SGCG: variants seen among roughly 807,000 people sequenced by gnomAD.
The protein encoded by SGCG is gamma-sarcoglycan.
SGCG carries 26 observed loss-of-function variants against 29.3 expected under a neutral mutation model. The observed-to-expected ratio is 0.89, with a 90% confidence interval of 0.65 to 1.23. The LOEUF is 1.23. SGCG is among the 50% of genes most tolerant of loss of function. The pLI is 0.00. For synonymous variants in SGCG, 145 were observed against 129.7 expected (o/e 1.12, Z -0.80); for missense variants, 353 against 356.0 (o/e 0.99, Z 0.07).
chr13:23,164,596 G>A, the SGCG span, among the ~76,000 whole-genome samples: 5 of 152,154 alleles, frequency 3.3e-5, no homozygotes, highest in African/African-American at 9.7e-5. Context: ...TCTGCTTCTC[G>A]TGAGGGCTCA....
chr13:23,308,153 T>C (rs1882426576), intron 6 of SGCG, among the ~76,000 whole-genome samples: 1 of 152,252 alleles, frequency 6.6e-6, no homozygotes, highest in Non-Finnish European at 1.5e-5. Context: ...TGTAGTATTC[T>C]ATGAAAATAA....
intron 4 of SGCG, among the ~76,000 whole-genome samples, chr13:23,257,020 C>A (rs188067900): frequency 1.3e-5 from 2 of 152,312 alleles, no homozygotes; most frequent in East Asian, 3.9e-4. Context: ...TCCTATTTCT[C>A]CACATCCTCT....
At chr13:23,291,606 C>T (rs1483521524) in intron 5 of SGCG, among the ~76,000 whole-genome samples, 1 of 152,158 alleles carries the variant, frequency 6.6e-6, no homozygotes, top group Non-Finnish European at 1.5e-5. Context: ...AGAGAAACTG[C>T]TGCTCTTATT....
intron 6 of SGCG, among the ~76,000 whole-genome samples, chr13:23,299,456 A>ATATTTTTTTTTTTT (rs1882059808): frequency 4.8e-5 from 2 of 41,546 alleles, no homozygotes; most frequent in Non-Finnish European, 9.6e-5. Flanking sequence ...ATATATATAT[A>ATATTTTTTTTTTTT]TTTTTTTTTT....
chr13:23,303,457 G>GC (rs1566039408), intron 6 of SGCG, among the ~76,000 whole-genome samples: 1 of 152,242 alleles, frequency 6.6e-6, no homozygotes, highest in African/African-American at 2.4e-5. Flanking sequence ...CTGCCCACAG[G>GC]CATGTTCAGA....
At position 23,242,650 on chromosome 13, in the gene SGCG, A is replaced by T. The variant is rs116312390; in HGVS notation, c.297+7938A>T. ...GCTGTCATTCTCTAAATGGCGTAAAATTTTTCTAAAAGGCATCATTAGCTA... is the reference window on the plus strand; with the variant it reads ...GCTGTCATTCTCTAAATGGCGTAAATTTTTTCTAAAAGGCATCATTAGCTA... On this transcript the variant is annotated intron_variant, in intron 3 of 7. Transcript: ENST00000218867. Among the ~76,000 whole-genome samples the T allele has an allele frequency of 5.7e-3, 863 of 152,208 alleles. 8 individuals are homozygous for T. Among genetic ancestry groups the T allele is most frequent in the African/African-American group, 0.019 (783 of 41,542 alleles).
chr13:23,215,772 G>A (rs1424771015), intron 2 of SGCG, among the ~76,000 whole-genome samples: 1 of 151,294 alleles, frequency 6.6e-6, no homozygotes, highest in African/African-American at 2.4e-5. Context: ...GGATGATTTA[G>A]TAGGTGTTAA....
At chr13:23,293,876 T>G (rs895445844) in intron 5 of SGCG, among the ~76,000 whole-genome samples, 8 of 151,972 alleles carry the variant, frequency 5.3e-5, no homozygotes, top group Admixed American at 1.3e-4. Context: ...AAAGATCTTT[T>G]GCCCAGGATG....
the SGCG span, among the ~76,000 whole-genome samples, chr13:23,161,131 G>A: frequency 6.6e-6 from 1 of 152,180 alleles, no homozygotes; most frequent in Admixed American, 6.5e-5. Context: ...GGGTTTTAGA[G>A]GGGAACTGAA....
intron 1 of SGCG, among the ~76,000 whole-genome samples, chr13:23,200,346 C>T (rs1160603402): frequency 6.6e-6 from 1 of 152,078 alleles, no homozygotes; most frequent in African/African-American, 2.4e-5. Context: ...TCACTTGAAA[C>T]CCTGGAGGCG....
At chr13:23,300,066 C>G (rs562697952) in intron 6 of SGCG, among the ~76,000 whole-genome samples, 1 of 152,234 alleles carries the variant, frequency 6.6e-6, no homozygotes, top group South Asian at 2.1e-4. Context: ...TGGGATGATA[C>G]CCCAGAAAAG....
chr13:23,248,864 A>C (rs367977592), intron 3 of SGCG, among the ~76,000 whole-genome samples: 1 of 129,448 alleles, frequency 7.7e-6, no homozygotes, highest in Non-Finnish European at 1.7e-5. Context: ...GGTGGCGGGC[A>C]CCTGTAGTCC....
intron 4 of SGCG, among the ~76,000 whole-genome samples, chr13:23,277,186 G>A (rs1287997438): frequency 2.0e-5 from 3 of 152,128 alleles, no homozygotes; most frequent in African/African-American, 4.8e-5. Context: ...TCCTAGAATT[G>A]TAAGATGAAC....
chr13:23,259,932 T>G (rs1027822852), intron 4 of SGCG, among the ~76,000 whole-genome samples: 3 of 143,856 alleles, frequency 2.1e-5, no homozygotes, highest in African/African-American at 4.9e-5. Flanking sequence ...TTTCTGTTCT[T>G]TTACATTTGC....
chr13:23,322,440 C>G (rs1309953215), intron 7 of SGCG, among the ~76,000 whole-genome samples: 2 of 152,160 alleles, frequency 1.3e-5, no homozygotes, highest in African/African-American at 2.4e-5. Context: ...CAAAGGGCCT[C>G]GATCCCCCAT....
At chr13:23,214,632 TCTC>T (rs1878356188) in intron 2 of SGCG, among the ~76,000 whole-genome samples, 2 of 152,128 alleles carry the variant, frequency 1.3e-5, no homozygotes, top group Admixed American at 1.3e-4. Context: ...CCCCTGCTGT[TCTC>T]CTCCATCCCT....
the SGCG span, among the ~76,000 whole-genome samples, chr13:23,165,682 G>A: frequency 2.0e-4 from 30 of 151,154 alleles, 1 homozygote; most frequent in Middle Eastern, 3.4e-3. Context: ...TTGCCACCAC[G>A]CCCAGCTAAT....
At chr13:23,280,739 T>C (rs1479025223) in intron 5 of SGCG, among the ~76,000 whole-genome samples, 2 of 152,226 alleles carry the variant, frequency 1.3e-5, no homozygotes, top group Non-Finnish European at 2.9e-5. Flanking sequence ...GTTGATAATA[T>C]CAACTGTACT....
chr13:23,323,867 T>A (rs1265652313), intron 7 of SGCG, among the ~76,000 whole-genome samples: 4 of 152,174 alleles, frequency 2.6e-5, no homozygotes, highest in Admixed American at 2.0e-4. Flanking sequence ...TGGGTAAAAA[T>A]TATTAAGATG....
Sources: allele counts gnomAD v4.1 joint callset (sites outside exome capture counted in the v4.1 genomes callset), GRCh38; gene constraint gnomAD v4.1.1; transcripts MANE v1.5; gene names NCBI Gene and HGNC (gene_info 2026-07-23, HGNC 2026-07-21).